The following PPP1R1C variants were observed in gnomAD, a reference collection of about 807,000 sequenced individuals.
PPP1R1C encodes protein phosphatase 1 regulatory inhibitor subunit 1C.
PPP1R1C carries 15 observed loss-of-function variants against 17.4 expected under a neutral mutation model. The ratio of observed to expected loss-of-function variants is 0.86; its 90% CI spans 0.58 to 1.33. The LOEUF is 1.33. Among genes scored for constraint, PPP1R1C ranks in the 40% most tolerant of loss-of-function variants. The pLI is 0.00. For missense variants in PPP1R1C, 143 were observed against 130.0 expected, an observed-to-expected ratio of 1.10 and a Z score of -0.48; for synonymous variants, 35 against 43.1, an observed-to-expected ratio of 0.81 and a Z score of 0.73.
At chr2:182,070,457 A>G (rs1216676933) in intron 4 of PPP1R1C, among the ~76,000 whole-genome samples, 1 of 152,208 alleles carries the variant, frequency 6.6e-6, no homozygotes, top group Admixed American at 6.5e-5. Context: ...TCTGCTTCAC[A>G]TCTTTGTCTT....
At chr2:181,990,726 C>T (rs565610408) in intron 2 of PPP1R1C, among the ~76,000 whole-genome samples, 1 of 152,314 alleles carries the variant, frequency 6.6e-6, no homozygotes, top group South Asian at 2.1e-4. Flanking sequence ...TATTTGAACA[C>T]TCTCTATCAA....
At position 182,024,470 on chromosome 2, in the gene PPP1R1C, T is replaced by C. The variant is rs192179337; in HGVS notation, c.142+36571T>C. Among the ~76,000 whole-genome samples the C allele has an allele frequency of 1.8e-3, 277 of 152,202 alleles. 2 individuals are homozygous for C. Among genetic ancestry groups the C allele is most frequent in the Admixed American group, 3.0e-3 (46 of 15,280 alleles). On this transcript the variant is annotated intron_variant, in intron 2 of 4. Coordinates refer to ENST00000682840, the MANE Select transcript of PPP1R1C (RefSeq NM_001080545.3). Reference sequence around the variant, plus strand: ...AATAATATTCTCTATTTTTTCACAATGTAAAATTATCTTTAAAGAGCTGTT... The same window carrying C: ...AATAATATTCTCTATTTTTTCACAACGTAAAATTATCTTTAAAGAGCTGTT...
At chr2:182,010,189 T>C (rs180678856) in intron 2 of PPP1R1C, among the ~76,000 whole-genome samples, 1 of 152,196 alleles carries the variant, frequency 6.6e-6, no homozygotes. Flanking sequence ...GGGGATTACA[T>C]TGAATTTCTA....
At chr2:182,125,028 G>T (rs1413243786) in intron 5 of PPP1R1C, among the ~76,000 whole-genome samples, 1 of 152,154 alleles carries the variant, frequency 6.6e-6, no homozygotes, top group African/African-American at 2.4e-5. Flanking sequence ...GATATTGGCT[G>T]TGGATTTCTC....
chr2:181,973,257 G>T (rs904332654), intron 1 of PPP1R1C, among the ~76,000 whole-genome samples: 2 of 151,898 alleles, frequency 1.3e-5, no homozygotes, highest in African/African-American at 4.8e-5. Flanking sequence ...TACTGGAAGT[G>T]ACTCATCCTA....
upstream of PPP1R1C, among the ~76,000 whole-genome samples, chr2:181,983,959 A>C (rs1685240790): frequency 6.6e-6 from 1 of 152,164 alleles, no homozygotes; most frequent in Admixed American, 6.5e-5. Flanking sequence ...TCTCTGATCA[A>C]CCTATTCAAA....
At chr2:182,010,642 A>G (rs1395394315) in intron 2 of PPP1R1C, among the ~76,000 whole-genome samples, 1 of 152,088 alleles carries the variant, frequency 6.6e-6, no homozygotes, top group Non-Finnish European at 1.5e-5. Context: ...TTCTCTAGCT[A>G]GGATTTCTAG....
chr2:181,978,015 C>T (rs1685124261), intron 2 of PPP1R1C, among the ~76,000 whole-genome samples: 1 of 152,140 alleles, frequency 6.6e-6, no homozygotes, highest in Non-Finnish European at 1.5e-5. Context: ...TTAATGGACT[C>T]ATGGTTTCAC....
intron 2 of PPP1R1C, among the ~76,000 whole-genome samples, chr2:181,993,478 T>C (rs1036784945): frequency 1.3e-5 from 2 of 152,164 alleles, no homozygotes; most frequent in Non-Finnish European, 2.9e-5. Flanking sequence ...GTCCACATAC[T>C]TATGTTGCAT....
intron 4 of PPP1R1C, chr2:182,064,180 G>A: frequency 5.0e-6 from 1 of 202,010 alleles, no homozygotes; most frequent in Admixed American, 5.5e-5. Context: ...TGAATTTCAG[G>A]GAGACTGAGG....
exon 6 of PPP1R1C, chr2:182,129,780 T>C (rs1689963071): frequency 6.6e-6 from 1 of 152,098 alleles, no homozygotes; most frequent in Admixed American, 6.6e-5. Context: ...CTATCCTCCT[T>C]AGGAGCCATA....
intron 2 of PPP1R1C, among the ~76,000 whole-genome samples, chr2:181,997,208 G>A (rs1247394483): frequency 2.8e-5 from 4 of 142,622 alleles, no homozygotes; most frequent in Non-Finnish European, 4.5e-5. Context: ...CAGCCTGGGC[G>A]ACAGAGCAAG....
intron 4 of PPP1R1C, among the ~76,000 whole-genome samples, chr2:182,089,278 G>A (rs1688715926): frequency 6.6e-6 from 1 of 152,162 alleles, no homozygotes; most frequent in Non-Finnish European, 1.5e-5. Context: ...TGAAGTTGTA[G>A]GTAGCTAGAA....
intron 2 of PPP1R1C, among the ~76,000 whole-genome samples, chr2:182,045,753 G>A (rs949744641): frequency 2.0e-5 from 3 of 151,876 alleles, no homozygotes; most frequent in Admixed American, 1.3e-4. Flanking sequence ...AATGCAAAAG[G>A]GTTTGGAAAA....
chr2:182,120,672 C>T (rs137956818), downstream of PPP1R1C, among the ~76,000 whole-genome samples: 43 of 152,216 alleles, frequency 2.8e-4, no homozygotes, highest in African/African-American at 7.0e-4. Context: ...ATTTGAGACA[C>T]CCTGAGGTGC....
intron 2 of PPP1R1C, among the ~76,000 whole-genome samples, chr2:182,015,787 CA>C (rs562657512): frequency 6.6e-6 from 1 of 151,850 alleles, no homozygotes; most frequent in Non-Finnish European, 1.5e-5. Context: ...ATCTAAGTCG[CA>C]AAAAAGTCCT....
At chr2:182,116,990 A>G (rs1559099596) in intron 4 of PPP1R1C, among the ~76,000 whole-genome samples, 1 of 152,162 alleles carries the variant, frequency 6.6e-6, no homozygotes, top group African/African-American at 2.4e-5. Flanking sequence ...TTTAATTATG[A>G]AAGATAGCCT....
rs572825484 is a variant in PPP1R1C, at chr2:181,957,871, G to A, written n.111+3237G>A. The stretch of plus-strand genomic sequence containing the variant: ...TCTTGCCATTGCATTTCGCTAAAGT[G>A]CAAATAATTGATAAATGATTCATGA... On this transcript the variant is annotated intron_variant and non_coding_transcript_variant, in intron 1 of 5. Coordinates refer to the PPP1R1C transcript ENST00000464264. The surrounding 1 kb of genome is among the most constrained non-coding windows in gnomAD (Gnocchi z 4.2). Among the ~76,000 whole-genome samples, 129 of 152,290 alleles carry A rather than the reference G, an allele frequency of 8.5e-4. No individual in the cohort carries two copies. Among genetic ancestry groups the A allele is most frequent in the Non-Finnish European group, 1.5e-3 (103 of 68,028 alleles).
intron 2 of PPP1R1C, among the ~76,000 whole-genome samples, chr2:181,975,983 A>T (rs1396947093): frequency 6.6e-6 from 1 of 152,082 alleles, no homozygotes; most frequent in Non-Finnish European, 1.5e-5. Flanking sequence ...CTTTTTCTGC[A>T]TCAAAATGCA....
Sources: allele counts gnomAD v4.1 joint callset (sites outside exome capture counted in the v4.1 genomes callset), GRCh38; gene constraint gnomAD v4.1.1; non-coding constraint Gnocchi (gnomAD v3.1); transcripts MANE v1.5; gene names NCBI Gene and HGNC (gene_info 2026-07-23, HGNC 2026-07-21).